Variants in MGST1 observed in about 807,000 individuals in gnomAD.
MGST1 encodes glutathione S-transferase 12.
Under a neutral mutation model 8.9 loss-of-function variants are expected in MGST1, and 5 were observed. The observed-to-expected ratio is 0.56, with a 90% CI of 0.29 to 1.19. The LOEUF is 1.19. Ranked by LOEUF, MGST1 falls within the 50% of genes most tolerant of loss-of-function variation. MGST1 has a pLI of 0.08. For synonymous variants in MGST1, 54 were observed against 67.8 expected, an observed-to-expected ratio of 0.80 and a Z score of 1.00; for missense variants, 182 against 187.4, an observed-to-expected ratio of 0.97 and a Z score of 0.17.
rs557793121 is a variant in MGST1, at chr12:16,540,029, T to C, written n.483-49499T>C. 5.3e-5 allele frequency among the ~76,000 whole-genome samples: 8 copies of C among 152,352 alleles called. No individual in the cohort carries two copies. The Middle Eastern group carries it at 0.01, about 194-fold the overall frequency. The stretch of plus-strand genomic sequence containing the variant: ...ACCCACTGGAAGCACCATTTTTTAC[T>C]GCTCAAGACTCAGCTGCTTTTCTCA... On this transcript the variant is annotated intron_variant and non_coding_transcript_variant, in intron 4 of 4. Transcript: ENST00000538857.
At chr12:16,354,006 A>G (rs536632500) in intron 1 of MGST1, among the ~76,000 whole-genome samples, 40 of 151,956 alleles carry the variant, frequency 2.6e-4, no homozygotes, top group African/African-American at 9.4e-4. Flanking sequence ...GTGATCCACC[A>G]GCCTCGGCCT....
intron 1 of MGST1, among the ~76,000 whole-genome samples, chr12:16,421,069 G>A (rs183804471): frequency 5.3e-4 from 81 of 152,104 alleles, no homozygotes; most frequent in African/African-American, 1.8e-3. Flanking sequence ...CATCCTTGGC[G>A]GCCATCTCTT....
At position 16,364,164 on chromosome 12, in the gene MGST1, C is replaced by A. The variant is rs1245800733; in HGVS notation, c.*123C>A. On this transcript the variant is annotated 3_prime_UTR_variant, in exon 4 of 4. Coordinates refer to ENST00000396210, the MANE Select transcript of MGST1 (RefSeq NM_020300.5). This position sits in a 1 kb window ranked among gnomAD's most constrained non-coding sequence, Gnocchi z 5.7. ...AGAGGAATTATGAACTGGGGTAAAC[C>A]CATTTTGAATATTAGCATTGCCAAT... 18 of 1,387,772 alleles carry A rather than the reference C, an allele frequency of 1.3e-5. No homozygotes were observed. Among genetic ancestry groups the A allele is most frequent in the Non-Finnish European group, 1.7e-5 (18 of 1,067,930 alleles). 86.0% of individuals were successfully genotyped at this position (1,387,772 alleles called of 1,614,324 possible). A position where few individuals can be genotyped will look rare whatever the true frequency, so the allele number is the denominator to read the frequency against.
intron 4 of MGST1, among the ~76,000 whole-genome samples, chr12:16,448,460 C>G (rs1272109993): frequency 3.3e-5 from 5 of 151,562 alleles, no homozygotes; most frequent in Admixed American, 6.6e-5. Flanking sequence ...CTATGATGCA[C>G]ACGAGATTAT....
At chr12:16,533,774 G>A (rs570109452) in intron 4 of MGST1, among the ~76,000 whole-genome samples, 1 of 152,100 alleles carries the variant, frequency 6.6e-6, no homozygotes, top group Non-Finnish European at 1.5e-5. Flanking sequence ...CGTGAATGTG[G>A]TGGTAAACAA....
At position 16,401,604 on chromosome 12, in the gene MGST1, CA is replaced by C. The variant is rs779591711; in HGVS notation, n.778+18002del. On this transcript the variant is annotated intron_variant and non_coding_transcript_variant, in intron 1 of 1. Coordinates refer to the MGST1 transcript ENST00000359720. The surrounding 1 kb of genome is among the most constrained non-coding windows in gnomAD (Gnocchi z 4.3). ...AGACTCGAAGCGAATACCCATGGCA[CA>C]AGTGATAGCCCCAAAATACATGTGA... 17 of 1,513,640 alleles carry C rather than the reference CA, an allele frequency of 1.1e-5. No homozygotes were observed. Among genetic ancestry groups the C allele is most frequent in the Non-Finnish European group, 1.6e-5 (17 of 1,088,700 alleles). The allele number at this position is 1,513,640 out of a possible 1,614,324, so 93.8% of individuals were successfully genotyped here.
chr12:16,538,211 C>A (rs745763313), intron 4 of MGST1, among the ~76,000 whole-genome samples: 1 of 152,178 alleles, frequency 6.6e-6, no homozygotes, highest in Non-Finnish European at 1.5e-5. Context: ...TCTGCTAAAA[C>A]ACAGCAAGAG....
chr12:16,571,624 C>T (rs1168656485), intron 4 of MGST1, among the ~76,000 whole-genome samples: 2 of 151,908 alleles, frequency 1.3e-5, no homozygotes, highest in African/African-American at 4.8e-5. Context: ...TATATGGCAA[C>T]CCTAGTAATA....
intron 1 of MGST1, 55 bp from the exon 2 acceptor site, chr12:16,354,176 A>C: frequency 7.8e-7 from 1 of 1,274,376 alleles, no homozygotes; most frequent in South Asian, 1.5e-5. Flanking sequence ...ATGATCTTCC[A>C]GTTATTTTGG....
intron 1 of MGST1, among the ~76,000 whole-genome samples, chr12:16,408,312 C>G (rs1424657072): frequency 6.6e-6 from 1 of 152,114 alleles, no homozygotes; most frequent in Admixed American, 6.5e-5. Context: ...ATCTGTGCAA[C>G]AAATTCCCAT....
At chr12:16,422,231 A>C (rs1296789515) in intron 1 of MGST1, among the ~76,000 whole-genome samples, 1 of 152,078 alleles carries the variant, frequency 6.6e-6, no homozygotes, top group Admixed American at 6.6e-5. Flanking sequence ...CAGCCCATCT[A>C]TTCTCTATAG....
chr12:16,461,114 A>G (rs1941215642), intron 4 of MGST1, among the ~76,000 whole-genome samples: 1 of 151,918 alleles, frequency 6.6e-6, no homozygotes, highest in Non-Finnish European at 1.5e-5. Flanking sequence ...TGCTTTGGAG[A>G]CAACTAAGTT....
At chr12:16,447,442 G>A (rs763006118) in intron 4 of MGST1, among the ~76,000 whole-genome samples, 9 of 151,932 alleles carry the variant, frequency 5.9e-5, no homozygotes, top group African/African-American at 2.2e-4. Flanking sequence ...CCTTGTGGGA[G>A]AGAGGACTCT....
rs117661427 is a variant in MGST1, at chr12:16,535,544, T to A, written n.483-53984T>A. ...AGATAGTCAAACTACACAAACACCA[T>A]GGGGATTCCCCAGTTACATGCAGGA... On this transcript the variant is annotated intron_variant and non_coding_transcript_variant, in intron 4 of 4. Transcript: ENST00000538857. 4.2e-4 allele frequency among the ~76,000 whole-genome samples: 64 copies of A among 152,310 alleles called. No individual in the cohort carries two copies. The East Asian group carries it at 9.9e-3, about 23-fold the overall frequency.
Position 16,540,348 on chromosome 12 carries a change from C to CTGAA in MGST1, n.483-49179_483-49176dup, listed in dbSNP as rs1173462754. Among the ~76,000 whole-genome samples, 3 of 152,176 alleles carry CTGAA rather than the reference C, an allele frequency of 2.0e-5. No individual in the cohort carries two copies. The South Asian group carries it at 6.2e-4, about 31-fold the overall frequency. On this transcript the variant is annotated intron_variant and non_coding_transcript_variant, in intron 4 of 4. Coordinates refer to the MGST1 transcript ENST00000538857. ...AGTGCAGAGCTGTGATCATGGCTCA[C>CTGAA]TGAAGCCTTTACCTCCTGGGCTTAA...
At chr12:16,492,851 T>G (rs919062932) in intron 4 of MGST1, among the ~76,000 whole-genome samples, 1 of 152,132 alleles carries the variant, frequency 6.6e-6, no homozygotes, top group Non-Finnish European at 1.5e-5. Context: ...TATATTTACA[T>G]GAAAGACCAA....
In MGST1 at chr12:16,357,440, A is replaced by T. The variant is rs1006468655; in HGVS notation, c.127-165A>T. 7.5e-4 allele frequency: 419 copies of T among 556,290 alleles called. 2 individuals are homozygous for T. The highest frequency in any genetic ancestry group is 3.9e-4 in the Middle Eastern group (1 of 2,570). The allele number at this position is 556,290 out of a possible 1,614,324, so 34.5% of individuals were successfully genotyped here. On this transcript the variant is annotated intron_variant, in intron 2 of 3. Coordinates refer to ENST00000396210, the MANE Select transcript of MGST1 (RefSeq NM_020300.5). ...CCCACTACCATGCAAAATTTTTTTT[A>T]AAAAAATTTGTAGATATGGGTACTC...
rs539348375 is a variant in MGST1 at position 16,403,803 on chromosome 12, A to T, written n.778+20199A>T. Among the ~76,000 whole-genome samples, 154 of 152,194 alleles carry T rather than the reference A, an allele frequency of 1.0e-3. 2 individuals are homozygous for T. The highest frequency in any genetic ancestry group is 1.8e-3 in the Non-Finnish European group (120 of 68,006). On this transcript the variant is annotated intron_variant and non_coding_transcript_variant, in intron 1 of 1. Coordinates refer to the MGST1 transcript ENST00000359720. Reference sequence around the variant, plus strand: ...AGGAAGGAGATATTCTGAGCGAAGGAAGAAGAGCCCCTTATAAAATCACCA... The same window carrying T: ...AGGAAGGAGATATTCTGAGCGAAGGTAGAAGAGCCCCTTATAAAATCACCA...
At chr12:16,534,317 T>C (rs1941741209) in intron 4 of MGST1, among the ~76,000 whole-genome samples, 1 of 152,316 alleles carries the variant, frequency 6.6e-6, no homozygotes, top group East Asian at 1.9e-4. Context: ...TAGAGTATGA[T>C]GTTTCCTCCC....
Sources: gnomAD v4.1 joint callset for allele counts (sites outside exome capture counted in the v4.1 genomes callset) on GRCh38, gnomAD v4.1.1 for gene constraint, Gnocchi (gnomAD v3.1) non-coding constraint, MANE v1.5 for transcripts, NCBI Gene and HGNC (gene_info 2026-07-23, HGNC 2026-07-21) for gene names.